GALNT2: variants seen among roughly 807,000 people sequenced by gnomAD.
GALNT2 encodes the protein polypeptide N-acetylgalactosaminyltransferase 2.
In GALNT2, 31 loss-of-function variants were observed where a neutral mutation model predicts 81.4. The observed-to-expected ratio is 0.38, with a 90% confidence interval of 0.29 to 0.51. GALNT2 has a LOEUF of 0.51. Among genes scored for constraint, GALNT2 ranks in the 20% least tolerant of loss-of-function variants. The probability of loss-of-function intolerance (pLI) is 0.87; values close to 1 mark genes in which losing one functional copy is unlikely to be tolerated. For synonymous variants in GALNT2, 303 were observed against 287.4 expected, an observed-to-expected ratio of 1.05 and a Z score of -0.55; for missense variants, 629 against 765.7, an observed-to-expected ratio of 0.82 and a Z score of 2.11.
At chr1:230,167,680 C>T (rs1254870583) in intron 1 of GALNT2, among the ~76,000 whole-genome samples, 5 of 152,160 alleles carry the variant, frequency 3.3e-5, no homozygotes, top group African/African-American at 9.7e-5. Context: ...AACTGCCGAG[C>T]GTGGAGGAGC....
At chr1:230,194,515 A>G (rs1663626595) in intron 2 of GALNT2, among the ~76,000 whole-genome samples, 1 of 152,196 alleles carries the variant, frequency 6.6e-6, no homozygotes. Context: ...CTGACTGTAC[A>G]CATTGTTTTT....
intron 1 of GALNT2, among the ~76,000 whole-genome samples, chr1:230,111,685 T>A (rs1660709219): frequency 6.6e-6 from 1 of 152,194 alleles, no homozygotes; most frequent in Admixed American, 6.5e-5. Flanking sequence ...TTGCGTTAAA[T>A]TAATTGTCAG....
intron 1 of GALNT2, among the ~76,000 whole-genome samples, chr1:230,153,745 T>C (rs544897087): frequency 9.2e-5 from 14 of 152,232 alleles, no homozygotes; most frequent in African/African-American, 2.4e-4. Flanking sequence ...CCGAGGCCAC[T>C]CCGCTCTTGG....
chr1:230,144,248 C>A (rs941136574), intron 1 of GALNT2, among the ~76,000 whole-genome samples: 20 of 152,106 alleles, frequency 1.3e-4, no homozygotes, highest in African/African-American at 4.8e-4. Flanking sequence ...TATTTAGTGT[C>A]CAGACCTGAG....
At chr1:230,250,285 A>T (rs1456875652) in intron 9 of GALNT2, among the ~76,000 whole-genome samples, 172 bp from the exon 10 acceptor site, 1 of 152,214 alleles carries the variant, frequency 6.6e-6, no homozygotes, top group Non-Finnish European at 1.5e-5. Context: ...AGCAGTGGTG[A>T]AGCAGAGAGA....
At chr1:230,254,374 T>C (rs527561021) in intron 10 of GALNT2, among the ~76,000 whole-genome samples, 335 of 152,308 alleles carry the variant, frequency 2.2e-3, no homozygotes, top group Non-Finnish European at 1.9e-3. Flanking sequence ...CAGTTCTGTG[T>C]TGAAGCAAGT....
At chr1:230,196,391 CCGTACATTTG>C (rs1457737101) in intron 2 of GALNT2, among the ~76,000 whole-genome samples, 1 of 152,204 alleles carries the variant, frequency 6.6e-6, no homozygotes, top group Non-Finnish European at 1.5e-5. Context: ...TTGTTAATTT[CCGTACATTTG>C]CTTGGGCTTG....
intron 1 of GALNT2, among the ~76,000 whole-genome samples, chr1:230,098,544 A>ATC (rs905435687): frequency 6.6e-6 from 1 of 151,868 alleles, no homozygotes; most frequent in African/African-American, 2.4e-5. Flanking sequence ...CAGAAGCCGC[A>ATC]TCTGTGTCTA....
chr1:230,252,464 C>G (rs1019730096), intron 10 of GALNT2, among the ~76,000 whole-genome samples: 1 of 152,290 alleles, frequency 6.6e-6, no homozygotes, highest in South Asian at 2.1e-4. Context: ...CTCTACATCC[C>G]TGTCATGCAA....
intron 1 of GALNT2, among the ~76,000 whole-genome samples, chr1:230,067,742 A>G (rs1017475247): frequency 1.3e-5 from 2 of 152,098 alleles, no homozygotes; most frequent in African/African-American, 4.8e-5. Flanking sequence ...GGTGTTGGGA[A>G]ACACAAAGGG....
Position 230,102,405 on chromosome 1 carries a change from A to G in GALNT2, c.126+34999A>G, listed in dbSNP as rs11584251. Among the ~76,000 whole-genome samples the G allele has an allele frequency of 8.7e-3, 1,332 of 152,272 alleles. 9 individuals are homozygous for G. Among genetic ancestry groups the G allele is most frequent in the Non-Finnish European group, 0.014 (965 of 68,026 alleles). ...TGGCAGCATCAAAATAAACGTGGCA[A>G]TTTTGGTCTTCAAGAGTGAAGTTGT... is the stretch of plus-strand genomic sequence containing the variant. On this transcript the variant is annotated intron_variant, in intron 1 of 15. Coordinates refer to ENST00000366672, the MANE Select transcript of GALNT2 (RefSeq NM_004481.5).
At chr1:230,149,882 C>A (rs73109895) in intron 1 of GALNT2, among the ~76,000 whole-genome samples, 6,154 of 152,136 alleles carry the variant, frequency 0.04, 298 homozygotes, top group African/African-American at 0.11. Context: ...GCAGATTTGC[C>A]GAATTGTTTC....
chr1:230,101,032 G>C (rs573309700), intron 1 of GALNT2, among the ~76,000 whole-genome samples: 1 of 152,294 alleles, frequency 6.6e-6, no homozygotes, highest in South Asian at 2.1e-4. Context: ...ACAGTCACAT[G>C]CTATACAGGT....
chr1:230,240,329 C>T (rs1363251248), intron 6 of GALNT2, among the ~76,000 whole-genome samples: 2 of 152,214 alleles, frequency 1.3e-5, no homozygotes. Flanking sequence ...CACAGTGGCT[C>T]ACGCCTGTAA....
At chr1:230,156,244 AGTGT>A (rs56074247) in intron 1 of GALNT2, among the ~76,000 whole-genome samples, 97 of 146,914 alleles carry the variant, frequency 6.6e-4, no homozygotes, top group Non-Finnish European at 9.3e-4. Flanking sequence ...AGAGAGAGAG[AGTGT>A]GTGTGTGTGT....
intron 1 of GALNT2, among the ~76,000 whole-genome samples, chr1:230,108,784 C>T (rs868344213): frequency 1.3e-5 from 2 of 152,154 alleles, no homozygotes; most frequent in African/African-American, 2.4e-5. Flanking sequence ...ACTTCGTGAC[C>T]GTGTGGCTGA....
intron 2 of GALNT2, among the ~76,000 whole-genome samples, chr1:230,201,565 G>T (rs1433716838): frequency 6.6e-6 from 1 of 152,190 alleles, no homozygotes; most frequent in Non-Finnish European, 1.5e-5. Flanking sequence ...AGGTACACAT[G>T]CTATTATCAT....
chr1:230,133,295 T>C (rs567079249), intron 1 of GALNT2, among the ~76,000 whole-genome samples: 16 of 152,374 alleles, frequency 1.1e-4, no homozygotes, highest in African/African-American at 3.6e-4. Flanking sequence ...AGGCTTTTGA[T>C]AGATGTTCTC....
chr1:230,280,194 A>C lies in GALNT2; in HGVS notation c.*736A>C, dbSNP rs769691125. The C allele has an allele frequency of 1.9e-4, 67 of 359,640 alleles. No homozygotes were observed. Among genetic ancestry groups the C allele is most frequent in the Non-Finnish European group, 3.3e-4 (60 of 182,294 alleles). The allele number at this position is 359,640 out of a possible 1,614,324, so 22.3% of individuals were successfully genotyped here. On this transcript the variant is annotated 3_prime_UTR_variant, in exon 16 of 16. Transcript: ENST00000366672. The stretch of plus-strand genomic sequence containing the variant: ...CAGAGCCCGGTGGGGCCAGTTTCTC[A>C]CAGAGGGAGGAGGTGGCCTTTGTCC...
Sources: gnomAD v4.1 joint callset for allele counts (sites outside exome capture counted in the v4.1 genomes callset) on GRCh38, gnomAD v4.1.1 for gene constraint, MANE v1.5 for transcripts, NCBI Gene and HGNC (gene_info 2026-07-23, HGNC 2026-07-21) for gene names.